SUSD1: variants seen among roughly 807,000 people sequenced by gnomAD.
SUSD1 encodes the protein sushi domain-containing protein 1.
Under a neutral mutation model 86.9 loss-of-function variants are expected in SUSD1, and 65 were observed. The observed-to-expected ratio is 0.75, with a 90% CI of 0.61 to 0.92. The LOEUF (loss-of-function observed/expected upper bound fraction) is 0.92. SUSD1 is among the 40% of genes least tolerant of loss of function. The pLI is 0.00. For missense variants in SUSD1, 850 were observed against 929.7 expected (o/e 0.91, Z 1.11); for synonymous variants, 346 against 350.0 (o/e 0.99, Z 0.13).
At chr9:112,149,189 C>T (rs1832935963) in intron 3 of SUSD1, 55 bp downstream of exon 3, 2 of 1,601,456 alleles carry the variant, frequency 1.2e-6, no homozygotes, top group African/African-American at 1.3e-5. Flanking sequence ...ATACACAGCC[C>T]AGATACTATC....
intron 15 of SUSD1, chr9:112,052,108 TAGAAAC>T (rs1828239530): frequency 3.0e-6 from 4 of 1,348,146 alleles, no homozygotes; most frequent in Middle Eastern, 2.0e-4. Flanking sequence ...AAGTGACTCT[TAGAAAC>T]AGAGAACTGA....
intron 6 of SUSD1, among the ~76,000 whole-genome samples, chr9:112,119,967 AG>A (rs1274009575): frequency 6.6e-6 from 1 of 152,192 alleles, no homozygotes; most frequent in African/African-American, 2.4e-5. Context: ...CAGTGAAAAC[AG>A]GACAGAGGTA....
At chr9:112,145,436 C>A (rs555926649) in intron 3 of SUSD1, among the ~76,000 whole-genome samples, 1 of 151,942 alleles carries the variant, frequency 6.6e-6, no homozygotes, top group African/African-American at 2.4e-5. Flanking sequence ...TGTACCACCA[C>A]GCCGGCTAAT....
At chr9:112,153,758 C>T (rs528591513) in intron 2 of SUSD1, among the ~76,000 whole-genome samples, 22 of 151,154 alleles carry the variant, frequency 1.5e-4, no homozygotes, top group Admixed American at 1.3e-3. Context: ...AGATTACAGG[C>T]GCCTGCCACC....
chr9:112,107,265 A>G (rs563049091), intron 8 of SUSD1, among the ~76,000 whole-genome samples: 8 of 150,898 alleles, frequency 5.3e-5, no homozygotes, highest in African/African-American at 1.9e-4. Flanking sequence ...AAAAAAAAAA[A>G]AAAAAAAAGA....
At chr9:112,139,142 G>C (rs1312712940) in intron 5 of SUSD1, among the ~76,000 whole-genome samples, 1 of 152,136 alleles carries the variant, frequency 6.6e-6, no homozygotes, top group Non-Finnish European at 1.5e-5. Context: ...TGGTTTTATA[G>C]GTGAAATCTC....
chr9:112,158,408 T>C (rs1302910214), intron 1 of SUSD1, among the ~76,000 whole-genome samples: 1 of 152,078 alleles, frequency 6.6e-6, no homozygotes, highest in Admixed American at 6.6e-5. Flanking sequence ...TTTCTTTTTT[T>C]GAGGTAGAGT....
chr9:112,079,311 C>T (rs997380465), intron 11 of SUSD1, among the ~76,000 whole-genome samples: 6 of 152,112 alleles, frequency 3.9e-5, no homozygotes, highest in African/African-American at 1.4e-4. Context: ...CAGCTTTCTC[C>T]TTATTCTCAC....
chr9:112,160,332 T>A (rs1833512291), intron 1 of SUSD1, among the ~76,000 whole-genome samples: 5 of 151,160 alleles, frequency 3.3e-5, no homozygotes. Context: ...TCACTTGAGG[T>A]CAGGAGTTCA....
intron 10 of SUSD1, among the ~76,000 whole-genome samples, chr9:112,092,194 C>T (rs1289672054): frequency 2.0e-5 from 3 of 152,168 alleles, no homozygotes; most frequent in Non-Finnish European, 4.4e-5. Context: ...CCAGTCATAC[C>T]TCCAAATAAT....
At chr9:112,078,407 C>T (rs1236255393) in intron 12 of SUSD1, 131 bp downstream of exon 12, 3 of 886,620 alleles carry the variant, frequency 3.4e-6, no homozygotes, top group Admixed American at 5.6e-5. Flanking sequence ...TCTCCAATTC[C>T]ATGTCCTTCC....
At chr9:112,095,243 G>C (rs1274788421) in intron 10 of SUSD1, among the ~76,000 whole-genome samples, 1 of 152,114 alleles carries the variant, frequency 6.6e-6, no homozygotes, top group Non-Finnish European at 1.5e-5. Flanking sequence ...CAAATATAGA[G>C]AAGGAAAAGT....
At chr9:112,044,019 C>T (rs929469609) in intron 15 of SUSD1, among the ~76,000 whole-genome samples, 34 of 152,030 alleles carry the variant, frequency 2.2e-4, no homozygotes, top group African/African-American at 7.5e-4. Context: ...AGGCTGGTCT[C>T]GAACTCTTGA....
intron 1 of SUSD1, among the ~76,000 whole-genome samples, chr9:112,157,907 T>C (rs1033439260): frequency 2.7e-5 from 4 of 150,016 alleles, no homozygotes; most frequent in Non-Finnish European, 5.9e-5. Flanking sequence ...CGCTGCAGCC[T>C]CAACCTCCTG....
intron 5 of SUSD1, among the ~76,000 whole-genome samples, chr9:112,134,236 T>C (rs2131722756): frequency 6.6e-6 from 1 of 152,124 alleles, no homozygotes; most frequent in East Asian, 1.9e-4. Flanking sequence ...AGAAAATAAA[T>C]CATTCAATCA....
At chr9:112,057,146 C>T (rs751295558) in intron 14 of SUSD1, among the ~76,000 whole-genome samples, 8 of 152,132 alleles carry the variant, frequency 5.3e-5, no homozygotes, top group Non-Finnish European at 1.0e-4. Context: ...ACTCCATCCC[C>T]ACCACGTGAG....
At chr9:112,160,196 T>C (rs1833505375) in intron 1 of SUSD1, among the ~76,000 whole-genome samples, 1 of 152,110 alleles carries the variant, frequency 6.6e-6, no homozygotes, top group Non-Finnish European at 1.5e-5. Flanking sequence ...TAGGAAGGTA[T>C]AAACCCTGAG....
chr9:112,130,848 C>CAAAAA (rs35275299), intron 5 of SUSD1, among the ~76,000 whole-genome samples: 39 of 118,002 alleles, frequency 3.3e-4, no homozygotes, highest in Admixed American at 8.8e-4. Flanking sequence ...AACATCTCTA[C>CAAAAA]AAAAAAAAAA....
At chr9:112,126,221 A>G (rs1470215296) in intron 5 of SUSD1, among the ~76,000 whole-genome samples, 1 of 152,208 alleles carries the variant, frequency 6.6e-6, no homozygotes, top group Non-Finnish European at 1.5e-5. Context: ...AGTAGAGGGG[A>G]CATCACTAAA....
Sources: allele counts gnomAD v4.1 joint callset (sites outside exome capture counted in the v4.1 genomes callset), GRCh38; gene constraint gnomAD v4.1.1; transcripts MANE v1.5; gene names NCBI Gene and HGNC (gene_info 2026-07-23, HGNC 2026-07-21).